Variants in MLLT3 observed in about 807,000 individuals in gnomAD.
The protein encoded by MLLT3 is protein AF-9.
MLLT3 carries 4 observed loss-of-function variants against 53.2 expected under a neutral mutation model. The observed-to-expected ratio is 0.08, with a 90% CI of 0.04 to 0.17. The LOEUF is 0.17. Among genes scored for constraint, MLLT3 ranks in the 10% least tolerant of loss-of-function variants. MLLT3 has a pLI of 1.00. For missense variants in MLLT3, 569 were observed against 684.0 expected (o/e 0.83, Z 1.87); for synonymous variants, 283 against 230.6 (o/e 1.23, Z -2.06).
intron 2 of MLLT3, among the ~76,000 whole-genome samples, chr9:20,500,611 TA>T (rs769302269): frequency 2.0e-5 from 3 of 152,222 alleles, no homozygotes; most frequent in Non-Finnish European, 4.4e-5. Flanking sequence ...CATCAAGAAC[TA>T]TTGACCACTC....
intron 4 of MLLT3, among the ~76,000 whole-genome samples, chr9:20,433,958 C>CAAAAAAAAAAAAA (rs773196575): frequency 1.5e-5 from 2 of 133,854 alleles, no homozygotes; most frequent in Admixed American, 7.5e-5. Flanking sequence ...ACTAAAAATA[C>CAAAAAAAAAAAAA]AAAAAAAAAA....
chr9:20,535,967 G>C (rs1228401306), intron 2 of MLLT3, among the ~76,000 whole-genome samples: 2 of 151,776 alleles, frequency 1.3e-5, no homozygotes, highest in African/African-American at 4.8e-5. Flanking sequence ...AACTTGTAAG[G>C]ACCTCCTGTA....
chr9:20,393,109 C>T (rs1265516994), intron 5 of MLLT3, among the ~76,000 whole-genome samples: 1 of 152,072 alleles, frequency 6.6e-6, no homozygotes, highest in African/African-American at 2.4e-5. Flanking sequence ...GAGCTGAGAT[C>T]ATGCCATTGC....
intron 4 of MLLT3, among the ~76,000 whole-genome samples, chr9:20,444,809 C>A (rs1244122495): frequency 6.6e-6 from 1 of 152,084 alleles, no homozygotes; most frequent in East Asian, 1.9e-4. Context: ...GAGGTTGAGG[C>A]TGCAGTGAGC....
intron 2 of MLLT3, among the ~76,000 whole-genome samples, chr9:20,483,808 C>T (rs952810024): frequency 6.7e-6 from 1 of 149,992 alleles, no homozygotes; most frequent in Non-Finnish European, 1.5e-5. Context: ...CCCGAGTTCA[C>T]GCCATTCTCC....
intron 2 of MLLT3, among the ~76,000 whole-genome samples, chr9:20,570,707 T>G (rs748812128): frequency 9.9e-5 from 15 of 151,422 alleles, no homozygotes; most frequent in Middle Eastern, 3.2e-3. Flanking sequence ...ACGATTAACT[T>G]TCAAATTACT....
At chr9:20,476,354 C>G (rs1028658585) in intron 2 of MLLT3, among the ~76,000 whole-genome samples, 3 of 151,938 alleles carry the variant, frequency 2.0e-5, no homozygotes, top group African/African-American at 7.3e-5. Context: ...ATACAGAGAC[C>G]CTGAGACAGC....
chr9:20,402,298 G>A (rs1357117875), intron 5 of MLLT3, among the ~76,000 whole-genome samples: 1 of 152,132 alleles, frequency 6.6e-6, no homozygotes, highest in Non-Finnish European at 1.5e-5. Context: ...AATGGGTTGA[G>A]GAATAAGGGA....
chr9:20,618,909 T>C (rs931705330), intron 2 of MLLT3, among the ~76,000 whole-genome samples: 7 of 152,176 alleles, frequency 4.6e-5, no homozygotes, highest in East Asian at 1.9e-4. Flanking sequence ...AAGAGCTACA[T>C]CTTCTGCCAA....
rs575127514 is a variant in MLLT3, at chr9:20,504,320, G to A, written c.194-47534C>T. Among the ~76,000 whole-genome samples, 4 of 151,806 alleles carry A rather than the reference G, an allele frequency of 2.6e-5. No individual in the cohort carries two copies. In the South Asian group the frequency reaches 8.3e-4, roughly 32 times the overall value. ...GTCCATGAAGAGAAGAATGGACAAAGAAAATGTGAAATATATATCCCCAAT... is the reference window on the plus strand; with the variant it reads ...GTCCATGAAGAGAAGAATGGACAAAAAAAATGTGAAATATATATCCCCAAT... On this transcript the variant is annotated intron_variant, in intron 2 of 10. Transcript: ENST00000380338.
chr9:20,441,483 T>C (rs1198267225), intron 4 of MLLT3, among the ~76,000 whole-genome samples: 1 of 152,086 alleles, frequency 6.6e-6, no homozygotes, highest in Non-Finnish European at 1.5e-5. Flanking sequence ...ATAACTTAAT[T>C]TTCCAGAGTT....
chr9:20,609,179 G>C (rs187780433), intron 2 of MLLT3, among the ~76,000 whole-genome samples: 38 of 152,038 alleles, frequency 2.5e-4, no homozygotes, highest in Admixed American at 5.2e-4. Context: ...TCAATTGCTT[G>C]ACAATTTCCT....
chr9:20,431,454 T>C (rs752531135), intron 4 of MLLT3, among the ~76,000 whole-genome samples: 2 of 152,130 alleles, frequency 1.3e-5, no homozygotes, highest in African/African-American at 4.8e-5. Flanking sequence ...AGCAATATAG[T>C]AGACTCCATA....
intron 5 of MLLT3, among the ~76,000 whole-genome samples, chr9:20,387,587 CTTG>C (rs1343102019): frequency 6.6e-6 from 1 of 152,184 alleles, no homozygotes; most frequent in African/African-American, 2.4e-5. Flanking sequence ...GTGTTCTGAC[CTTG>C]TTGTCCAAGT....
chr9:20,456,004 T>C (rs1823959195), intron 3 of MLLT3, among the ~76,000 whole-genome samples: 1 of 150,194 alleles, frequency 6.7e-6, no homozygotes, highest in East Asian at 2.0e-4. Context: ...AGTAGTGCGA[T>C]CTCGGCTCAC....
intron 2 of MLLT3, among the ~76,000 whole-genome samples, chr9:20,613,851 C>G (rs1477509371): frequency 6.6e-6 from 1 of 152,048 alleles, no homozygotes; most frequent in Non-Finnish European, 1.5e-5. Flanking sequence ...AAAATTTTAA[C>G]TCTGTATACC....
rs34950474 is a variant in MLLT3, at chr9:20,342,834, G to GTATATATATA, written c.*3599_*3608dup. 29 of 166,688 alleles carry GTATATATATA rather than the reference G, an allele frequency of 1.7e-4. No individual in the cohort carries two copies. The highest frequency in any genetic ancestry group is 7.0e-4 in the African/African-American group (28 of 40,174). 10.3% of individuals were successfully genotyped at this position (166,688 alleles called of 1,614,324 possible). A position where few individuals can be genotyped will look rare whatever the true frequency, so the allele number is the denominator to read the frequency against. On this transcript the variant is annotated 3_prime_UTR_variant, in exon 11 of 11. Transcript: ENST00000380338. ...AAGATTACTCTGATAATATATATGTGTATATATATATATATATGTATATAT... is the reference window on the plus strand; with the variant it reads ...AAGATTACTCTGATAATATATATGTGTATATATATATATATATATATATATATGTATATAT...
chr9:20,582,432 C>A (rs1187709403), intron 2 of MLLT3, among the ~76,000 whole-genome samples: 1 of 152,108 alleles, frequency 6.6e-6, no homozygotes, highest in African/African-American at 2.4e-5. Flanking sequence ...AACCACTGAA[C>A]TTTTTATTGT....
chr9:20,586,602 A>C (rs1200087838), intron 2 of MLLT3, among the ~76,000 whole-genome samples: 5 of 152,176 alleles, frequency 3.3e-5, no homozygotes, highest in Non-Finnish European at 7.3e-5. Flanking sequence ...AGATAGGCAA[A>C]ATACCATGGA....
Sources: gnomAD v4.1 joint callset for allele counts (sites outside exome capture counted in the v4.1 genomes callset) on GRCh38, gnomAD v4.1.1 for gene constraint, MANE v1.5 for transcripts, NCBI Gene and HGNC (gene_info 2026-07-23, HGNC 2026-07-21) for gene names.